The following SCAP variants were observed in gnomAD, a reference collection of about 807,000 sequenced individuals.
SCAP encodes the protein SREBF chaperone.
Under a neutral mutation model 123.6 loss-of-function variants are expected in SCAP, and 65 were observed. That is an observed-to-expected ratio of 0.53 (90% CI 0.43 to 0.65). The LOEUF (loss-of-function observed/expected upper bound fraction) is 0.65. Ranked by LOEUF, SCAP falls within the 30% of genes least tolerant of loss-of-function variation. The pLI is 0.00. For missense variants in SCAP, 1,398 were observed against 1,712.5 expected, an observed-to-expected ratio of 0.82 and a Z score of 3.24; for synonymous variants, 740 against 726.3, an observed-to-expected ratio of 1.02 and a Z score of -0.30.
At chr3:47,454,652 G>C (rs375420396) in intron 1 of SCAP, among the ~76,000 whole-genome samples, 2 of 151,956 alleles carry the variant, frequency 1.3e-5, no homozygotes, top group Non-Finnish European at 2.9e-5. Context: ...TCGCTTGAAC[G>C]CAGGAGAATC....
chr3:47,418,465 G>C lies in SCAP; in HGVS notation c.2187C>G (p.Leu729=), dbSNP rs1230712296. ...AGTTGCGCGGGCATAGCACGCGGTA[G>C]AGGCAGAGCAGCAGCAGCACCAAGA... ...GIVLVLLLLC[L]YRVLCPRNYG... Residue 729 remains leucine (L), a synonymous_variant, in exon 15 of 23, where the codon CTC becomes CTG. Transcript: ENST00000265565. 1.9e-6 allele frequency: 3 copies of C among 1,599,668 alleles called. No individual in the cohort carries two copies. Among genetic ancestry groups the C allele is most frequent in the Non-Finnish European group, 2.6e-6 (3 of 1,175,380 alleles).
At position 47,418,857 on chromosome 3, in the gene SCAP, G is replaced by A. The variant is rs761237117; in HGVS notation, c.1941-14C>T. 9.9e-6 allele frequency: 15 copies of A among 1,510,278 alleles called. No individual in the cohort carries two copies. The highest frequency in any genetic ancestry group is 1.2e-5 in the Non-Finnish European group (14 of 1,131,976). 93.6% of individuals were successfully genotyped at this position (1,510,278 alleles called of 1,614,324 possible). Reference sequence around the variant, plus strand: ...AGGCTGATGTACCTGGATTCGGACAGTGGGCAGCCTCAGCGGGGGGCCTCC... The same window carrying A: ...AGGCTGATGTACCTGGATTCGGACAATGGGCAGCCTCAGCGGGGGGCCTCC... On this transcript the variant is annotated splice_polypyrimidine_tract_variant and intron_variant, in intron 13 of 22. Coordinates refer to ENST00000265565, the MANE Select transcript of SCAP (RefSeq NM_012235.4).
At chr3:47,423,504 C>T (rs1705997632) in intron 9 of SCAP, among the ~76,000 whole-genome samples, 1 of 152,234 alleles carries the variant, frequency 6.6e-6, no homozygotes, top group Admixed American at 6.5e-5. Context: ...AGCAATCCTC[C>T]CACCTCAGCC....
At chr3:47,435,174 A>G (rs1245505802) in intron 2 of SCAP, 37 bp from the exon 3 acceptor site, 8 of 1,585,568 alleles carry the variant, frequency 5.0e-6, no homozygotes, top group Non-Finnish European at 6.9e-6. Flanking sequence ...ATTAGACACT[A>G]TGAGAGGCAG....
In SCAP at chr3:47,423,998, AAC is replaced by A. The variant is rs1328286055; in HGVS notation, c.1083_1084del (p.Leu362GlyfsTer66). 2 of 1,614,202 alleles carry A rather than the reference AAC, an allele frequency of 1.2e-6. No individual in the cohort carries two copies. The highest frequency in any genetic ancestry group is 8.5e-7 in the Non-Finnish European group (1 of 1,180,022). ...TGAGACCACAGACTTGGTGAGCACC[AAC>A]ACATTCTCTAACCCAATAACCACCA... is the stretch of plus-strand genomic sequence containing the variant. On this transcript the variant is annotated frameshift_variant, in exon 9 of 23. Transcript: ENST00000265565. LOFTEE classifies it high-confidence loss of function.
At position 47,414,250 on chromosome 3, in the gene SCAP, C is replaced by T. The variant is rs1705456952; in HGVS notation, c.3524G>A (p.Ser1175Asn). The T allele has an allele frequency of 6.2e-7, 1 of 1,613,586 alleles. No homozygotes were observed. The highest frequency in any genetic ancestry group is 1.3e-5 in the African/African-American group (1 of 74,934). ...SLTCTTSCVISSGLDDLISIW... is the reference protein window; with the variant it reads ...SLTCTTSCVINSGLDDLISIW... ...GCTGATGAGGTCATCCAGGCCACTG[C>T]TGATGACACAGGAGGTGGTACAGGT... The change falls in exon 22 of 23, where the codon AGC (serine) becomes AAC (asparagine). Residue 1175 changes from serine (S) to asparagine (N), a missense_variant. This residue lies in a region of SCAP where 130 missense variants were observed against 166.7 expected (regional missense o/e 0.78). Transcript: ENST00000265565.
chr3:47,421,928 G>C (rs547144110), intron 10 of SCAP, among the ~76,000 whole-genome samples: 9 of 152,418 alleles, frequency 5.9e-5, no homozygotes, highest in African/African-American at 1.9e-4. Flanking sequence ...ACTTTGCCAA[G>C]AGCAGGGTCA....
rs748447667 is a variant in SCAP, at chr3:47,418,805, C to T, written c.1979G>A (p.Arg660His). ...SLLPVIPVTL[R>H]LNPREALEGR... Reference sequence around the variant, plus strand: ...CTCCAGAGCCTCCCTCGGGTTCAGGCGGAGCGTGACTGGGATGACGGGCAG... The same window carrying T: ...CTCCAGAGCCTCCCTCGGGTTCAGGTGGAGCGTGACTGGGATGACGGGCAG... Residue 660 changes from arginine to histidine, a missense_variant, in exon 14 of 23, where the codon CGC (arginine) becomes CAC (histidine). Coordinates refer to ENST00000265565, the MANE Select transcript of SCAP (RefSeq NM_012235.4). 4.4e-5 allele frequency: 68 copies of T among 1,542,386 alleles called. No homozygotes were observed. Among genetic ancestry groups the T allele is most frequent in the Middle Eastern group, 3.5e-4 (2 of 5,738 alleles).
rs1404168703 is a variant in SCAP at position 47,442,885 on chromosome 3, T to C, written c.109A>G (p.Ile37Val). The change falls in exon 2 of 23, where the codon ATC (isoleucine) becomes GTC (valine). Residue 37 changes from isoleucine (I) to valine (V), a missense_variant. Around this residue, in one of 7 missense-constraint regions of SCAP, gnomAD observed 319 missense variants for 432.4 expected, o/e 0.74. Transcript: ENST00000265565. ...IPIILFTGFC[I>V]LACCYPLLKL... Reference sequence around the variant, plus strand: ...CCAAAAACATACCAGCAGGCTAAGATGCAGAACCCTGTGAAGAGGATGATG... The same window carrying C: ...CCAAAAACATACCAGCAGGCTAAGACGCAGAACCCTGTGAAGAGGATGATG... The C allele has an allele frequency of 6.2e-7, 1 of 1,614,184 alleles. No homozygotes were observed. Among genetic ancestry groups the C allele is most frequent in the Non-Finnish European group, 8.5e-7 (1 of 1,180,014 alleles).
chr3:47,417,455 G>A lies in SCAP; in HGVS notation c.2819C>T (p.Pro940Leu), dbSNP rs747446698. ...TPALRPPSPG[P>L]VLSQAPEDEG... ...GTCCTCAGGGGCCTGGGACAGCACC[G>A]GCCCAGGCGAGGGTGGGCGCAGGGC... is the stretch of plus-strand genomic sequence containing the variant. Residue 940 changes from proline (P) to leucine (L), a missense_variant, in exon 17 of 23, where the codon CCG becomes CTG. Physicochemically the swap from Pro to Leu is moderately conservative, Grantham distance 98. This residue lies in a region of SCAP where 828 missense variants were observed against 882.5 expected (regional missense o/e 0.94). Transcript: ENST00000265565. 76 of 1,552,206 alleles carry A rather than the reference G, an allele frequency of 4.9e-5. No individual in the cohort carries two copies. The highest frequency in any genetic ancestry group is 1.2e-4 in the African/African-American group (9 of 73,126).
chr3:47,431,569 C>T (rs1706359692), intron 3 of SCAP, among the ~76,000 whole-genome samples: 1 of 152,090 alleles, frequency 6.6e-6, no homozygotes, highest in Admixed American at 6.5e-5. Flanking sequence ...ATCTTGGCAG[C>T]TTCAAGGGGT....
In SCAP at chr3:47,427,215, T is replaced by G. The variant is rs1267920652; in HGVS notation, c.679A>C (p.Thr227Pro). Residue 227 changes from threonine to proline, a missense_variant, in exon 6 of 23, where the codon ACC becomes CCC. Around this residue, in one of 7 missense-constraint regions of SCAP, gnomAD observed 319 missense variants for 432.4 expected, o/e 0.74. Transcript: ENST00000265565. The part of the protein sequence containing the change: ...PGKYSGVSLY[T>P]RKRMVSYTIT... ...GTGTAGGAGACCATCCTCTTCCTGG[T>G]GTAGAGGCTCACCCCGCTGTACTTC... The G allele has an allele frequency of 6.2e-7, 1 of 1,613,690 alleles. No individual in the cohort carries two copies. The highest frequency in any genetic ancestry group is 1.3e-5 in the African/African-American group (1 of 74,820).
At chr3:47,415,431 CAAGT>C (rs1705530398) in intron 18 of SCAP, among the ~76,000 whole-genome samples, 1 of 152,146 alleles carries the variant, frequency 6.6e-6, no homozygotes. Context: ...TCATGAGAAT[CAAGT>C]GAGCTAACGT....
chr3:47,425,360 G>C (rs1706078895), intron 8 of SCAP, 125 bp downstream of exon 8: 1 of 1,059,768 alleles, frequency 9.4e-7, no homozygotes, highest in South Asian at 1.7e-5. Flanking sequence ...CCTCTTAAAT[G>C]TCAAAAACAA....
Position 47,418,677 on chromosome 3 carries a change from G to C in SCAP, c.2107C>G (p.His703Asp). The C allele has an allele frequency of 6.7e-7, 1 of 1,502,252 alleles. No homozygotes were observed. The allele number at this position is 1,502,252 out of a possible 1,614,324, so 93.1% of individuals were successfully genotyped here. ...GPKGPGGVQA[H>D]GDVTLYKVAA... ...TACTTGTACAGCGTGACGTCTCCAT[G>C]GGCCTGCACCCCACCTGGGCCCTTG... Residue 703 changes from histidine to aspartate, a missense_variant, in exon 14 of 23, where the codon CAT (histidine) becomes GAT (aspartate). By Grantham distance (81) the His-to-Asp change is moderately conservative. Coordinates refer to ENST00000265565, the MANE Select transcript of SCAP (RefSeq NM_012235.4).
At chr3:47,417,253 C>A (rs1387949785) in intron 17 of SCAP, 46 bp from the exon 18 acceptor site, 1 of 1,612,390 alleles carries the variant, frequency 6.2e-7, no homozygotes, top group African/African-American at 1.3e-5. Context: ...GAAAGGCCCA[C>A]AATCCCCGGG....
At chr3:47,445,700 T>C (rs1404718637) in intron 1 of SCAP, among the ~76,000 whole-genome samples, 1 of 151,844 alleles carries the variant, frequency 6.6e-6, no homozygotes, top group Non-Finnish European at 1.5e-5. Context: ...GCCTCCCTTG[T>C]AGCTGGGAGC....
At chr3:47,417,059 A>T in intron 18 of SCAP, 63 bp downstream of exon 18, 1 of 1,455,948 alleles carries the variant, frequency 6.9e-7, no homozygotes, top group Non-Finnish European at 9.6e-7. Context: ...CTCAAGACTC[A>T]AGAGAGTATG....
intron 2 of SCAP, among the ~76,000 whole-genome samples, chr3:47,438,004 A>G (rs928403948): frequency 2.0e-5 from 3 of 152,146 alleles, no homozygotes; most frequent in African/African-American, 7.2e-5. Flanking sequence ...GTTTCTCCAA[A>G]TCCTTGTCAC....
Sources: allele counts gnomAD v4.1 joint callset (sites outside exome capture counted in the v4.1 genomes callset), GRCh38; gene constraint gnomAD v4.1.1; regional missense constraint gnomAD v4.1.1; transcripts MANE v1.5; gene names NCBI Gene and HGNC (gene_info 2026-07-23, HGNC 2026-07-21).